ZBTB41: variants seen among roughly 807,000 people sequenced by gnomAD.
ZBTB41 encodes zinc finger and BTB domain-containing protein 41.
Under a neutral mutation model 87.6 loss-of-function variants are expected in ZBTB41, and 42 were observed. The ratio of observed to expected loss-of-function variants is 0.48; its 90% CI spans 0.37 to 0.62. The LOEUF (loss-of-function observed/expected upper bound fraction) is 0.62, where lower values mean the gene tolerates loss of function less well. Among genes scored for constraint, ZBTB41 ranks in the 20% least tolerant of loss-of-function variants. ZBTB41 has a pLI of 0.00. For missense variants in ZBTB41, 799 were observed against 1,078.9 expected (o/e 0.74, Z 3.63); for synonymous variants, 364 against 364.0 (o/e 1.00, Z 0.00).
chr1:197,182,482 G>A (rs187311381), intron 5 of ZBTB41, among the ~76,000 whole-genome samples: 3 of 122,176 alleles, frequency 2.5e-5, no homozygotes, highest in Non-Finnish European at 5.4e-5. Flanking sequence ...TCACTAGGTT[G>A]CCCAGGCTGG....
At chr1:197,183,775 G>T (rs555473411) in intron 5 of ZBTB41, among the ~76,000 whole-genome samples, 46 of 152,260 alleles carry the variant, frequency 3.0e-4, no homozygotes, top group African/African-American at 8.7e-4. Flanking sequence ...GGGGAGCTAA[G>T]CCTTACTGCC....
At position 197,159,399 on chromosome 1, in the gene ZBTB41, G is replaced by A. The variant is rs1346238152; in HGVS notation, c.2690C>T (p.Thr897Ile). The change falls in exon 11 of 11, where the codon ACT (threonine) becomes ATT (isoleucine). Residue 897 changes from threonine to isoleucine, a missense_variant. Coordinates refer to ENST00000367405, the MANE Select transcript of ZBTB41 (RefSeq NM_194314.3). The stretch of plus-strand genomic sequence containing the variant: ...ATTCGTAGAAATATTTTGAACACCA[G>A]TAGTGCTATCAAGGCCCAGTAATGT... ...LGTLLGLDSTTGVQNISTNEH... is the reference protein window; with the variant it reads ...LGTLLGLDSTIGVQNISTNEH... The A allele has an allele frequency of 6.2e-7, 1 of 1,613,704 alleles. No individual in the cohort carries two copies. The highest frequency in any genetic ancestry group is 2.2e-5 in the East Asian group (1 of 44,892).
intron 10 of ZBTB41, among the ~76,000 whole-genome samples, chr1:197,170,455 C>G (rs544187813): frequency 6.6e-6 from 1 of 152,138 alleles, no homozygotes; most frequent in African/African-American, 2.4e-5. Flanking sequence ...TAAAGATACC[C>G]TAGCTAGTAA....
At position 197,189,083 on chromosome 1, in the gene ZBTB41, T is replaced by A. The variant is rs559209486; in HGVS notation, c.1399-644A>T. 5.9e-5 allele frequency among the ~76,000 whole-genome samples: 9 copies of A among 152,310 alleles called. No individual in the cohort carries two copies. In the East Asian group the frequency reaches 1.7e-3, roughly 29 times the overall value. Reference sequence around the variant, plus strand: ...GAAACTTGGTAAGGGGAAGACACTATCTTATGCAGACTAAAATACTGTAAT... The same window carrying A: ...GAAACTTGGTAAGGGGAAGACACTAACTTATGCAGACTAAAATACTGTAAT... On this transcript the variant is annotated intron_variant, in intron 4 of 10. Transcript: ENST00000367405.
At chr1:197,187,908 G>A (rs1375195144) in intron 5 of ZBTB41, among the ~76,000 whole-genome samples, 1 of 152,148 alleles carries the variant, frequency 6.6e-6, no homozygotes. Flanking sequence ...AAATTTCGGG[G>A]CAGTGAAACT....
rs993313741 is a variant in ZBTB41, at chr1:197,181,212, T to C, written c.1547-95A>G. On this transcript the variant is annotated intron_variant, in intron 5 of 10. Coordinates refer to ENST00000367405, the MANE Select transcript of ZBTB41 (RefSeq NM_194314.3). ...ATGCTGTAAGTTCATGCCTATCCTA[T>C]TGGTGCATATGTCATAATACACTGC... 5.3e-6 allele frequency: 6 copies of C among 1,134,796 alleles called. No individual in the cohort carries two copies. The African/African-American group carries it at 9.4e-5, about 18-fold the overall frequency. 70.3% of individuals were successfully genotyped at this position (1,134,796 alleles called of 1,614,324 possible).
At chr1:197,183,907 A>G (rs1571661013) in intron 5 of ZBTB41, among the ~76,000 whole-genome samples, 1 of 152,184 alleles carries the variant, frequency 6.6e-6, no homozygotes, top group African/African-American at 2.4e-5. Flanking sequence ...ACCAGCTCTA[A>G]CAGTTAGTAA....
At position 197,181,248 on chromosome 1, in the gene ZBTB41, C is replaced by T. The variant is rs916487371; in HGVS notation, c.1547-131G>A. Reference sequence around the variant, plus strand: ...GTCATAATACACTGCAATTTCTCTTCTAGGTTATTTATTCCTAGAATAACA... The same window carrying T: ...GTCATAATACACTGCAATTTCTCTTTTAGGTTATTTATTCCTAGAATAACA... On this transcript the variant is annotated intron_variant, in intron 5 of 10. Coordinates refer to ENST00000367405, the MANE Select transcript of ZBTB41 (RefSeq NM_194314.3). 4 of 750,926 alleles carry T rather than the reference C, an allele frequency of 5.3e-6. No individual in the cohort carries two copies. The African/African-American group carries it at 7.2e-5, about 14-fold the overall frequency. The allele number at this position is 750,926 out of a possible 1,614,324, so 46.5% of individuals were successfully genotyped here.
chr1:197,153,713 A>G lies in ZBTB41; in HGVS notation c.*5646T>C, dbSNP rs1255952528. ...CCAAAGAACTTTATATTTATTTTAA[A>G]TATCAAAGTAACACAAAGAACTAGT... On this transcript the variant is annotated 3_prime_UTR_variant, in exon 11 of 11. Coordinates refer to ENST00000367405, the MANE Select transcript of ZBTB41 (RefSeq NM_194314.3). The G allele has an allele frequency of 6.6e-6, 1 of 152,198 alleles. No individual in the cohort carries two copies. The highest frequency in any genetic ancestry group is 1.5e-5 in the Non-Finnish European group (1 of 68,024). 9.4% of individuals were successfully genotyped at this position (152,198 alleles called of 1,614,324 possible). A position where few individuals can be genotyped will look rare whatever the true frequency, so the allele number is the denominator to read the frequency against.
intron 5 of ZBTB41, among the ~76,000 whole-genome samples, chr1:197,187,611 T>A (rs984577122): frequency 3.9e-5 from 6 of 152,188 alleles, no homozygotes; most frequent in African/African-American, 1.2e-4. Context: ...TATTTTTTTT[T>A]AATATCTCCA....
At chr1:197,179,017 G>A (rs1659678727) in intron 6 of ZBTB41, among the ~76,000 whole-genome samples, 1 of 152,078 alleles carries the variant, frequency 6.6e-6, no homozygotes, top group Non-Finnish European at 1.5e-5. Context: ...CTATTCCTAA[G>A]TCTTCCAGCC....
chr1:197,194,005 C>G (rs1022163956), intron 2 of ZBTB41, among the ~76,000 whole-genome samples: 4 of 151,976 alleles, frequency 2.6e-5, no homozygotes, highest in Non-Finnish European at 4.4e-5. Flanking sequence ...CCTCCTAATG[C>G]TTAAATCTTC....
intron 3 of ZBTB41, among the ~76,000 whole-genome samples, chr1:197,191,189 G>A (rs1212263812): frequency 6.6e-6 from 1 of 152,012 alleles, no homozygotes; most frequent in Non-Finnish European, 1.5e-5. Flanking sequence ...ACCGGGCGTG[G>A]TGGCTCACAC....
chr1:197,171,000 T>C (rs1659463981), intron 10 of ZBTB41, among the ~76,000 whole-genome samples: 1 of 152,116 alleles, frequency 6.6e-6, no homozygotes. Flanking sequence ...AATATCCAGA[T>C]ATTGATGTTC....
At chr1:197,177,541 T>C (rs1659639357) in intron 7 of ZBTB41, among the ~76,000 whole-genome samples, 1 of 152,168 alleles carries the variant, frequency 6.6e-6, no homozygotes, top group South Asian at 2.1e-4. Flanking sequence ...AACTGATATT[T>C]AAGAATTTTC....
chr1:197,190,942 T>C, intron 3 of ZBTB41, 111 bp from the exon 4 acceptor site: 1 of 639,862 alleles, frequency 1.6e-6, no homozygotes, highest in Non-Finnish European at 2.6e-6. Context: ...ATTCCTTTCA[T>C]AATGAGACAA....
chr1:197,155,592 T>A lies in ZBTB41; in HGVS notation c.*3767A>T, dbSNP rs1025636485. On this transcript the variant is annotated 3_prime_UTR_variant, in exon 11 of 11. Transcript: ENST00000367405. ...AAGCTTATAAACATATTAGTTTAAC[T>A]GTGTTTTTAATTTGTTTGCAATTAT... 6.7e-6 allele frequency: 1 copy of A among 148,292 alleles called. No homozygotes were observed. The highest frequency in any genetic ancestry group is 2.7e-5 in the African/African-American group (1 of 37,514). 9.2% of individuals were successfully genotyped at this position (148,292 alleles called of 1,614,324 possible).
At chr1:197,183,387 T>C (rs1341709450) in intron 5 of ZBTB41, among the ~76,000 whole-genome samples, 1 of 152,152 alleles carries the variant, frequency 6.6e-6, no homozygotes, top group African/African-American at 2.4e-5. Flanking sequence ...CCAGATCACC[T>C]AGTAAGTGGC....
intron 9 of ZBTB41, 84 bp downstream of exon 9, chr1:197,174,926 T>C: frequency 9.4e-7 from 1 of 1,065,450 alleles, no homozygotes; most frequent in Non-Finnish European, 1.4e-6. Flanking sequence ...TAACTTCAAT[T>C]AAACAAAGTA....
Sources: gnomAD v4.1 joint callset for allele counts (sites outside exome capture counted in the v4.1 genomes callset) on GRCh38, gnomAD v4.1.1 for gene constraint, MANE v1.5 for transcripts, NCBI Gene and HGNC (gene_info 2026-07-23, HGNC 2026-07-21) for gene names.